The following COX10 variants were observed in gnomAD, a reference collection of about 807,000 sequenced individuals.
The protein encoded by COX10 is protoheme IX farnesyltransferase, mitochondrial.
A neutral mutation model predicts 37.3 loss-of-function variants in COX10; 27 were observed. The ratio of observed to expected loss-of-function variants is 0.72; its 90% CI spans 0.53 to 1.00. The LOEUF (loss-of-function observed/expected upper bound fraction) is 1.00, where lower values mean the gene tolerates loss of function less well. Among genes scored for constraint, COX10 ranks in the 50% least tolerant of loss-of-function variants. The pLI, the probability that COX10 is intolerant of heterozygous loss-of-function variation, is 0.00. For missense variants in COX10, 475 were observed against 563.2 expected (o/e 0.84, Z 1.59); for synonymous variants, 222 against 229.1 (o/e 0.97, Z 0.28).
intron 5 of COX10, among the ~76,000 whole-genome samples, chr17:14,167,304 C>G (rs1905319411): frequency 6.6e-6 from 1 of 152,100 alleles, no homozygotes; most frequent in Admixed American, 6.5e-5. Context: ...TCTTGAGACC[C>G]AATGTATTTC....
chr17:14,102,940 A>G (rs1377724201), intron 4 of COX10, among the ~76,000 whole-genome samples: 1 of 152,160 alleles, frequency 6.6e-6, no homozygotes, highest in Non-Finnish European at 1.5e-5. Context: ...CAGTTTTAAA[A>G]CAGGAATTCA....
At chr17:14,192,314 C>T in intron 6 of COX10, 93 bp downstream of exon 6, 1 of 1,613,810 alleles carries the variant, frequency 6.2e-7, no homozygotes, top group Non-Finnish European at 8.5e-7. Context: ...GATTCCATTC[C>T]ATCCCACATT....
chr17:14,156,405 G>GT (rs1205363735), intron 4 of COX10, among the ~76,000 whole-genome samples: 5 of 151,932 alleles, frequency 3.3e-5, no homozygotes, highest in African/African-American at 1.2e-4. Context: ...AATTTTTTGT[G>GT]TTTTTAGTAG....
intron 4 of COX10, among the ~76,000 whole-genome samples, chr17:14,107,528 TTTTC>T (rs888149610): frequency 1.2e-4 from 18 of 151,952 alleles, no homozygotes; most frequent in Admixed American, 2.6e-4. Context: ...TTCTTTTTTT[TTTTC>T]TTTCTTTCTT....
intron 3 of COX10, among the ~76,000 whole-genome samples, chr17:14,082,069 A>G (rs1051760513): frequency 6.6e-6 from 1 of 152,200 alleles, no homozygotes; most frequent in Non-Finnish European, 1.5e-5. Context: ...GGTCTTCAGC[A>G]TGGAGCTGGC....
At position 14,102,123 on chromosome 17, in the gene COX10, G is replaced by A. The variant is rs765119012; in HGVS notation, c.505G>A (p.Val169Ile). ...RLSKIKLTAL[V>I]VSTTAAGFAL... is the part of the protein sequence containing the mutation. ...GCTCTGTTTCTGTATCGCAGCTCTG[G>A]TTGTAAGTACCACTGCAGCTGGATT... is the stretch of plus-strand genomic sequence containing the variant. The change falls in exon 4 of 7, where the codon GTT becomes ATT. Residue 169 changes from valine to isoleucine, a missense_variant. Val to Ile is a conservative substitution (Grantham distance 29). Transcript: ENST00000261643. 1 of 1,613,536 alleles carries A rather than the reference G, an allele frequency of 6.2e-7. No individual in the cohort carries two copies. The highest frequency in any genetic ancestry group is 1.1e-5 in the South Asian group (1 of 91,078).
At chr17:14,091,298 T>C (rs35957502) in intron 3 of COX10, among the ~76,000 whole-genome samples, 25,029 of 152,220 alleles carry the variant, frequency 0.16, 2,132 homozygotes, top group Non-Finnish European at 0.19. Context: ...CAGAGGGATC[T>C]GCAAAGACTT....
chr17:14,128,817 C>A (rs1050711206), intron 4 of COX10, among the ~76,000 whole-genome samples: 1 of 152,088 alleles, frequency 6.6e-6, no homozygotes, highest in Admixed American at 6.6e-5. Context: ...TCTCAAGGCA[C>A]GTTTCAAAAA....
chr17:14,096,693 G>T (rs144290448), intron 3 of COX10, among the ~76,000 whole-genome samples: 313 of 152,172 alleles, frequency 2.1e-3, no homozygotes, highest in African/African-American at 7.3e-3. Context: ...GTTTTGTTTT[G>T]TTTTGTTTTT....
intron 3 of COX10, among the ~76,000 whole-genome samples, chr17:14,099,391 G>A (rs1915724172): frequency 6.6e-6 from 1 of 152,070 alleles, no homozygotes; most frequent in South Asian, 2.1e-4. Context: ...TAGGGAAGGG[G>A]CTTGTTCATA....
intron 5 of COX10, chr17:14,177,085 C>G (rs1905715001): frequency 2.0e-6 from 1 of 488,940 alleles, no homozygotes; most frequent in South Asian, 3.8e-5. Context: ...GAGGACAGTA[C>G]TTAAGTTTTA....
intron 4 of COX10, among the ~76,000 whole-genome samples, chr17:14,120,631 T>G (rs1408201493): frequency 6.6e-6 from 1 of 152,056 alleles, no homozygotes; most frequent in Non-Finnish European, 1.5e-5. Context: ...AGGCCCACAG[T>G]GAGACAGAAT....
At chr17:14,154,470 G>A (rs1253923750) in intron 4 of COX10, among the ~76,000 whole-genome samples, 1 of 152,136 alleles carries the variant, frequency 6.6e-6, no homozygotes, top group African/African-American at 2.4e-5. Context: ...CAATTTATAT[G>A]AATTCACATA....
At chr17:14,105,487 T>C (rs1250516394) in intron 4 of COX10, among the ~76,000 whole-genome samples, 1 of 152,208 alleles carries the variant, frequency 6.6e-6, no homozygotes, top group Non-Finnish European at 1.5e-5. Flanking sequence ...TATACAGTGC[T>C]GTAGAATTTG....
At chr17:14,113,897 A>G (rs1221925414) in intron 4 of COX10, among the ~76,000 whole-genome samples, 3 of 152,158 alleles carry the variant, frequency 2.0e-5, no homozygotes, top group Non-Finnish European at 4.4e-5. Flanking sequence ...CAAAGACAAT[A>G]AAAATTCCAG....
intron 4 of COX10, among the ~76,000 whole-genome samples, chr17:14,142,502 G>A (rs1043235550): frequency 2.0e-5 from 3 of 152,172 alleles, no homozygotes; most frequent in African/African-American, 4.8e-5. Context: ...ATATTTGCCT[G>A]CTTTCTGAGT....
chr17:14,135,338 T>C, intron 4 of COX10, among the ~76,000 whole-genome samples: 1 of 151,924 alleles, frequency 6.6e-6, no homozygotes, highest in East Asian at 1.9e-4. Context: ...AGCTATTTTG[T>C]TATGAATGAA....
intron 4 of COX10, among the ~76,000 whole-genome samples, chr17:14,123,126 G>C (rs1308258837): frequency 6.6e-6 from 1 of 152,142 alleles, no homozygotes; most frequent in Non-Finnish European, 1.5e-5. Flanking sequence ...AGTTCTCTGA[G>C]GTATATGGAA....
At chr17:14,129,973 G>C (rs140794111) in intron 4 of COX10, among the ~76,000 whole-genome samples, 1 of 152,234 alleles carries the variant, frequency 6.6e-6, no homozygotes, top group Non-Finnish European at 1.5e-5. Flanking sequence ...CTTAATCCCA[G>C]GTGGATATAC....
Sources: allele counts gnomAD v4.1 joint callset (sites outside exome capture counted in the v4.1 genomes callset), GRCh38; gene constraint gnomAD v4.1.1; transcripts MANE v1.5; gene names NCBI Gene and HGNC (gene_info 2026-07-23, HGNC 2026-07-21).